Variants in DLGAP2 observed in about 807,000 individuals in gnomAD.
The protein encoded by DLGAP2 is DLG associated protein 2.
A neutral mutation model predicts 100.3 loss-of-function variants in DLGAP2; 26 were observed. That is an observed-to-expected ratio of 0.26 (90% CI 0.19 to 0.36). The LOEUF (loss-of-function observed/expected upper bound fraction) is 0.36, where lower values mean the gene tolerates loss of function less well. Ranked by LOEUF, DLGAP2 falls within the 10% of genes least tolerant of loss-of-function variation. The pLI is 1.00. For missense variants in DLGAP2, 1,858 were observed against 1,453.2 expected (o/e 1.28, Z -4.53); for synonymous variants, 886 against 630.1 (o/e 1.41, Z -6.08).
chr8:1,212,330 C>G (rs1798122504), intron 2 of DLGAP2, among the ~76,000 whole-genome samples: 2 of 152,222 alleles, frequency 1.3e-5, no homozygotes, highest in African/African-American at 2.4e-5. Context: ...TTTGCTCCGT[C>G]TCCAGAGGTC....
intron 1 of DLGAP2, among the ~76,000 whole-genome samples, chr8:868,088 T>G (rs1179424455): frequency 1.3e-5 from 2 of 152,242 alleles, no homozygotes; most frequent in African/African-American, 2.4e-5. Flanking sequence ...GGTTATATAC[T>G]TTAAGCTAAT....
chr8:1,357,763 G>C (rs565961159), intron 3 of DLGAP2, among the ~76,000 whole-genome samples: 2 of 152,322 alleles, frequency 1.3e-5, no homozygotes, highest in South Asian at 4.1e-4. Context: ...TTCTGCTGTG[G>C]TTCTGAGCAG....
chr8:1,538,914 G>C (rs1801253366), intron 4 of DLGAP2, among the ~76,000 whole-genome samples: 1 of 139,148 alleles, frequency 7.2e-6, no homozygotes, highest in African/African-American at 2.7e-5. Context: ...TTGAGACAGA[G>C]TCTTGCTTTT....
At chr8:1,422,703 G>C (rs563718751) in intron 3 of DLGAP2, among the ~76,000 whole-genome samples, 2 of 152,100 alleles carry the variant, frequency 1.3e-5, no homozygotes, top group Non-Finnish European at 2.9e-5. Context: ...GCAGGTGCTC[G>C]TTAAGTGCTC....
At chr8:839,177 G>T (rs911485118) in intron 1 of DLGAP2, among the ~76,000 whole-genome samples, 7 of 152,046 alleles carry the variant, frequency 4.6e-5, no homozygotes, top group African/African-American at 7.3e-5. Context: ...CAGTATGCAG[G>T]TTCCTAAAAA....
chr8:917,541 TTC>T (rs1262015290), intron 2 of DLGAP2, among the ~76,000 whole-genome samples: 1 of 151,638 alleles, frequency 6.6e-6, no homozygotes, highest in Non-Finnish European at 1.5e-5. Context: ...CCCAGACTGA[TTC>T]TCTTTTGTTA....
chr8:1,089,363 C>G (rs760829230), intron 2 of DLGAP2, among the ~76,000 whole-genome samples: 1 of 152,244 alleles, frequency 6.6e-6, no homozygotes, highest in Non-Finnish European at 1.5e-5. Flanking sequence ...TTGACACCAG[C>G]CAGCCGTTTG....
chr8:1,674,178 C>G (rs73547752), intron 10 of DLGAP2, among the ~76,000 whole-genome samples: 2 of 152,134 alleles, frequency 1.3e-5, no homozygotes, highest in African/African-American at 4.8e-5. Flanking sequence ...CTCAGCCTCC[C>G]GAGTAGCTTG....
chr8:1,578,199 TAATG>T (rs1803072855), intron 6 of DLGAP2, among the ~76,000 whole-genome samples: 1 of 152,226 alleles, frequency 6.6e-6, no homozygotes, highest in Non-Finnish European at 1.5e-5. Flanking sequence ...ATAAAAATGA[TAATG>T]AATGTTTGCT....
At chr8:1,282,455 A>G (rs1799837241) in intron 3 of DLGAP2, among the ~76,000 whole-genome samples, 1 of 98,618 alleles carries the variant, frequency 1.0e-5, no homozygotes, top group Non-Finnish European at 2.1e-5. Context: ...TGAACCCAGC[A>G]CATGAACCAT....
At chr8:811,295 T>C (rs1347255487) in intron 1 of DLGAP2, among the ~76,000 whole-genome samples, 2 of 152,268 alleles carry the variant, frequency 1.3e-5, no homozygotes, top group Non-Finnish European at 2.9e-5. Context: ...GCAGGAACTA[T>C]CTGGGGGCCC....
intron 2 of DLGAP2, among the ~76,000 whole-genome samples, chr8:1,147,130 C>T (rs991599747): frequency 6.6e-6 from 1 of 152,194 alleles, no homozygotes; most frequent in African/African-American, 2.4e-5. Context: ...ATGGTAGTTT[C>T]TTCCATTTCT....
chr8:989,810 C>T (rs552452468), intron 2 of DLGAP2, among the ~76,000 whole-genome samples: 66 of 152,292 alleles, frequency 4.3e-4, no homozygotes, highest in Non-Finnish European at 7.4e-5. Flanking sequence ...AGGGTCCCTG[C>T]TAATGACTGG....
chr8:1,095,648 C>G (rs1008311857), intron 2 of DLGAP2, among the ~76,000 whole-genome samples: 7 of 152,206 alleles, frequency 4.6e-5, no homozygotes, highest in Non-Finnish European at 7.3e-5. Flanking sequence ...ACAGTGAGGA[C>G]TGGCTGTAAT....
At chr8:1,543,296 A>T (rs531051370) in intron 4 of DLGAP2, among the ~76,000 whole-genome samples, 40 of 152,324 alleles carry the variant, frequency 2.6e-4, no homozygotes, top group Non-Finnish European at 4.7e-4. Context: ...AAATGCATCT[A>T]TGTTTTCTAC....
intron 3 of DLGAP2, among the ~76,000 whole-genome samples, chr8:1,442,493 G>A (rs1797863983): frequency 6.7e-6 from 1 of 149,844 alleles, no homozygotes; most frequent in South Asian, 2.1e-4. Context: ...GCCACTGGGG[G>A]AGACGGATCC....
chr8:1,632,684 G>A, intron 7 of DLGAP2, 143 bp from the exon 8 acceptor site: 1 of 727,870 alleles, frequency 1.4e-6, no homozygotes, highest in Non-Finnish European at 2.2e-6. Context: ...CTCAGCCGAT[G>A]CCCATGCTGA....
chr8:1,580,991 G>C (rs7006835), intron 6 of DLGAP2, among the ~76,000 whole-genome samples: 1 of 148,450 alleles, frequency 6.7e-6, no homozygotes, highest in African/African-American at 2.5e-5. Flanking sequence ...AGAAGTGAAG[G>C]ATACAGACAA....
intron 3 of DLGAP2, chr8:1,302,559 G>T (rs1215953824): frequency 1.3e-5 from 2 of 151,956 alleles, no homozygotes; most frequent in Non-Finnish European, 2.9e-5. Flanking sequence ...AGTATTTTAT[G>T]TGAGTTCCCG....
Sources: allele counts gnomAD v4.1 joint callset (sites outside exome capture counted in the v4.1 genomes callset), GRCh38; gene constraint gnomAD v4.1.1; transcripts MANE v1.5; gene names NCBI Gene and HGNC (gene_info 2026-07-23, HGNC 2026-07-21).